The following C1QTNF5 variants were observed in gnomAD, a reference collection of about 807,000 sequenced individuals.
C1QTNF5 encodes complement C1q tumor necrosis factor-related protein 5.
A neutral mutation model predicts 10.9 loss-of-function variants in C1QTNF5; 5 were observed. The observed-to-expected ratio is 0.46, with a 90% CI of 0.24 to 0.97. C1QTNF5 has a LOEUF of 0.97. C1QTNF5 is among the 50% of genes least tolerant of loss of function. The pLI is 0.19. For synonymous variants in C1QTNF5, 161 were observed against 156.5 expected (o/e 1.03, Z -0.22); for missense variants, 281 against 339.4 (o/e 0.83, Z 1.35).
At chr11:119,341,874 C>A (rs1245697906), upstream of C1QTNF5, 1 of 1,614,030 alleles carries the variant, frequency 6.2e-7, no homozygotes, top group East Asian at 2.2e-5. Flanking sequence ...CCGCTGAGGA[C>A]CTCTACCACC....
chr11:119,340,483 G>A, intron 1 of C1QTNF5, 43 bp from the exon 2 acceptor site: 1 of 1,399,022 alleles, frequency 7.1e-7, no homozygotes, highest in Non-Finnish European at 9.7e-7. Flanking sequence ...AGAATCCTGG[G>A]ACCTGCCTCT....
At chr11:119,344,736 A>G (rs765718079), upstream of C1QTNF5, 2 of 1,613,882 alleles carry the variant, frequency 1.2e-6, no homozygotes, top group East Asian at 4.5e-5. Flanking sequence ...GTCACAGCGG[A>G]ACTCATCATG....
At chr11:119,341,978 G>A (rs200439530), upstream of C1QTNF5, 2 of 1,613,646 alleles carry the variant, frequency 1.2e-6, no homozygotes, top group Non-Finnish European at 1.7e-6. Flanking sequence ...AGGCTCACAG[G>A]CCAGCTCTGC....
intron 1 of C1QTNF5, 121 bp downstream of exon 1, chr11:119,340,574 C>A: frequency 1.5e-6 from 1 of 655,316 alleles, no homozygotes; most frequent in Non-Finnish European, 2.5e-6. Context: ...GCCGAGCATC[C>A]GGAGAGCACA....
upstream of C1QTNF5, chr11:119,344,652 T>C (rs1216858176): frequency 6.2e-7 from 1 of 1,613,838 alleles, no homozygotes; most frequent in Non-Finnish European, 8.5e-7. Context: ...GGCACTGCAA[T>C]TGGTCTCATC....
chr11:119,341,703 T>G, upstream of C1QTNF5: 1 of 1,612,960 alleles, frequency 6.2e-7, no homozygotes, highest in Non-Finnish European at 8.5e-7. Context: ...CCTAGTGGGG[T>G]GCAACGGGGC....
upstream of C1QTNF5, chr11:119,345,432 C>G: frequency 1.9e-6 from 3 of 1,613,816 alleles, no homozygotes; most frequent in Non-Finnish European, 2.5e-6. Flanking sequence ...GAGGAGGGGG[C>G]CTTCAGGCTC....
upstream of C1QTNF5, among the ~76,000 whole-genome samples, chr11:119,342,353 G>A (rs1043148022): frequency 3.9e-5 from 6 of 152,202 alleles, no homozygotes; most frequent in African/African-American, 1.4e-4. Flanking sequence ...GAAGGGACTG[G>A]TTCTTGAAGC....
At chr11:119,346,023 T>TACGGG in the C1QTNF5 span, 2 of 1,612,752 alleles carry the variant, frequency 1.2e-6, no homozygotes. Context: ...AGCCCTCGTT[T>TACGGG]CAAGCTGTCC....
the C1QTNF5 span, chr11:119,346,515 G>A: frequency 1.9e-6 from 3 of 1,613,868 alleles, no homozygotes; most frequent in South Asian, 2.2e-5. Flanking sequence ...GTCCTTCATG[G>A]CACAAGGCTC....
In C1QTNF5 at chr11:119,339,702, C is replaced by T; in HGVS notation, c.361G>A (p.Ala121Thr). ...SESRVPPPSD[A>T]PLPFDRVLVN... is the part of the protein sequence containing the mutation. The stretch of plus-strand genomic sequence containing the variant: ...AGCACGCGGTCGAAGGGCAAGGGTG[C>T]GTCAGACGGCGGAGGCACCCGGCTC... The change falls in exon 3 of 3, where the codon GCA (alanine) becomes ACA (threonine). Residue 121 changes from alanine (A) to threonine (T), a missense_variant. Transcript: ENST00000528368. The surrounding 1 kb of genome is among the most constrained non-coding windows in gnomAD (Gnocchi z 5.4). The T allele has an allele frequency of 6.2e-7, 1 of 1,605,582 alleles. No homozygotes were observed.
upstream of C1QTNF5, among the ~76,000 whole-genome samples, chr11:119,345,211 A>G (rs2135372882): frequency 6.6e-6 from 1 of 152,340 alleles, no homozygotes; most frequent in Middle Eastern, 3.4e-3. Context: ...GGAGATAGGC[A>G]GGAGATCCAT....
the C1QTNF5 span, chr11:119,346,359 G>A: frequency 6.2e-7 from 1 of 1,613,976 alleles, no homozygotes; most frequent in African/African-American, 1.3e-5. Flanking sequence ...TCGAAGGCAG[G>A]ATTGCAGAAC....
intron 1 of C1QTNF5, 46 bp downstream of exon 1, chr11:119,340,649 C>T: frequency 1.9e-6 from 1 of 540,434 alleles, no homozygotes; most frequent in Non-Finnish European, 3.3e-6. Flanking sequence ...CCAGCCTTTC[C>T]CACAGTCCCC....
chr11:119,342,333 C>G (rs796710286), upstream of C1QTNF5, among the ~76,000 whole-genome samples: 5 of 152,318 alleles, frequency 3.3e-5, no homozygotes, highest in African/African-American at 1.2e-4. Context: ...GAAAGGGGCT[C>G]TGGGTGACAG....
upstream of C1QTNF5, chr11:119,341,569 C>T (rs757296756): frequency 1.2e-6 from 2 of 1,612,762 alleles, no homozygotes; most frequent in East Asian, 2.2e-5. Flanking sequence ...CACAAGCTTC[C>T]AGGTCAGCTG....
At chr11:119,345,763 C>A (rs778840084), upstream of C1QTNF5, 11 of 1,613,552 alleles carry the variant, frequency 6.8e-6, no homozygotes, top group Non-Finnish European at 9.3e-6. Context: ...GATCTGCCCC[C>A]AGTACTCACT....
chr11:119,341,322 A>C (rs1049419572), upstream of C1QTNF5: 8 of 579,818 alleles, frequency 1.4e-5, no homozygotes, highest in Non-Finnish European at 2.1e-5. Context: ...CCGGTGGCAC[A>C]GTGTGGGGCC....
At chr11:119,344,442 C>T (rs754309603), upstream of C1QTNF5, 23 of 1,582,300 alleles carry the variant, frequency 1.5e-5, no homozygotes, top group Non-Finnish European at 1.9e-5. Context: ...GTGCCTCCAT[C>T]CAATAGGGCT....
Sources: gnomAD v4.1 joint callset for allele counts (sites outside exome capture counted in the v4.1 genomes callset) on GRCh38, gnomAD v4.1.1 for gene constraint, Gnocchi (gnomAD v3.1) non-coding constraint, MANE v1.5 for transcripts, NCBI Gene and HGNC (gene_info 2026-07-23, HGNC 2026-07-21) for gene names.